KIAA1549: variants seen among roughly 807,000 people sequenced by gnomAD.
KIAA1549 encodes the protein UPF0606 protein KIAA1549.
In KIAA1549, 70 loss-of-function variants were observed where a neutral mutation model predicts 156.4. The observed-to-expected ratio is 0.45, with a 90% CI of 0.37 to 0.55. The LOEUF is 0.55. Ranked by LOEUF, KIAA1549 falls within the 20% of genes least tolerant of loss-of-function variation. The pLI, the probability that KIAA1549 is intolerant of heterozygous loss-of-function variation, is 0.00. For missense variants in KIAA1549, 2,428 were observed against 2,540.9 expected, an observed-to-expected ratio of 0.96 and a Z score of 0.96; for synonymous variants, 1,103 against 1,066.4, an observed-to-expected ratio of 1.03 and a Z score of -0.67.
intron 15 of KIAA1549, among the ~76,000 whole-genome samples, chr7:138,867,015 C>T (rs985551254): frequency 3.3e-5 from 5 of 152,036 alleles, no homozygotes; most frequent in African/African-American, 1.2e-4. Context: ...ATTGCCCAGG[C>T]TGGTCTCCAA....
At chr7:138,883,797 C>G (rs1811315539) in intron 10 of KIAA1549, among the ~76,000 whole-genome samples, 1 of 152,232 alleles carries the variant, frequency 6.6e-6, no homozygotes, top group Non-Finnish European at 1.5e-5. Flanking sequence ...CCGAAGCCTT[C>G]CCTCCTGCCC....
At chr7:138,912,532 C>T in intron 2 of KIAA1549, 72 bp from the exon 3 acceptor site, 2 of 1,275,412 alleles carry the variant, frequency 1.6e-6, no homozygotes, top group Non-Finnish European at 2.3e-6. Context: ...GACTTCTGGA[C>T]CCCAGCACTG....
At chr7:138,868,949 T>G (rs1160027838) in intron 14 of KIAA1549, among the ~76,000 whole-genome samples, 1 of 152,004 alleles carries the variant, frequency 6.6e-6, no homozygotes, top group African/African-American at 2.4e-5. Context: ...TGGCAGGCAA[T>G]AAGAGCCACC....
intron 10 of KIAA1549, among the ~76,000 whole-genome samples, chr7:138,892,674 T>G (rs1308122227): frequency 6.6e-6 from 1 of 152,250 alleles, no homozygotes; most frequent in Non-Finnish European, 1.5e-5. Context: ...ATAAATACTT[T>G]GCATTTTTTT....
Position 138,882,364 on chromosome 7 carries a change from A to G in KIAA1549, c.4033-780T>C, listed in dbSNP as rs6974263. 2.0e-5 allele frequency among the ~76,000 whole-genome samples: 3 copies of G among 152,204 alleles called. No individual in the cohort carries two copies. The East Asian group carries it at 5.8e-4, about 29-fold the overall frequency. On this transcript the variant is annotated intron_variant, in intron 10 of 19. Coordinates refer to ENST00000422774, the MANE Select transcript of KIAA1549 (RefSeq NM_001164665.2). ...TTGAGGACGTGAATTTCACGTGAAG[A>G]GTGAAAGTGACGTTAAGGGAAAGAG...
At chr7:138,898,407 A>T (rs995596726) in intron 9 of KIAA1549, among the ~76,000 whole-genome samples, 2 of 152,094 alleles carry the variant, frequency 1.3e-5, no homozygotes, top group African/African-American at 4.8e-5. Context: ...CAACAATAAT[A>T]AAGAAACTTC....
chr7:138,832,669 G>T lies in KIAA1549; in HGVS notation c.*5237C>A, dbSNP rs1277929753. ...TTACTGGCTCCTAACTTTGTTTCATGTTTCCAAAGGCATTTAATATTCTTT... is the reference window on the plus strand; with the variant it reads ...TTACTGGCTCCTAACTTTGTTTCATTTTTCCAAAGGCATTTAATATTCTTT... On this transcript the variant is annotated 3_prime_UTR_variant, in exon 20 of 20. Transcript: ENST00000422774. 1.9e-5 allele frequency: 4 copies of T among 215,428 alleles called. No homozygotes were observed. Among genetic ancestry groups the T allele is most frequent in the African/African-American group, 9.0e-5 (4 of 44,304 alleles). 13.3% of individuals were successfully genotyped at this position (215,428 alleles called of 1,614,324 possible).
chr7:138,949,228 C>CA (rs1368304504), intron 1 of KIAA1549, among the ~76,000 whole-genome samples: 4 of 152,238 alleles, frequency 2.6e-5, no homozygotes, highest in Non-Finnish European at 5.9e-5. Flanking sequence ...ATTCACTTAA[C>CA]AAAGCAGTCA....
chr7:138,852,324 G>C, intron 16 of KIAA1549, 55 bp from the exon 17 acceptor site: 2 of 1,190,286 alleles, frequency 1.7e-6, no homozygotes, highest in South Asian at 2.9e-5. Flanking sequence ...ATTATAAAGT[G>C]ACAACAGCAA....
chr7:138,894,961 G>T (rs952310801), intron 9 of KIAA1549, among the ~76,000 whole-genome samples: 3 of 152,132 alleles, frequency 2.0e-5, no homozygotes, highest in African/African-American at 7.2e-5. Flanking sequence ...GCTCCATCAA[G>T]TACCGCAGGA....
At position 138,916,881 on chromosome 7, in the gene KIAA1549, A is replaced by T. The variant is rs750759081; in HGVS notation, c.2745T>A (p.Ala915=). The T allele has an allele frequency of 2.5e-6, 4 of 1,613,738 alleles. No individual in the cohort carries two copies. The South Asian group carries it at 4.4e-5, about 18-fold the overall frequency. ...ASQSPPESSA[A]PPLPSLRPVT... ...CGGGACGCAGGGATGGCAGGGGAGG[A>T]GCAGCACTACTCTCTGGGGGGCTCT... The change falls in exon 2 of 20, where the codon GCT becomes GCA. Residue 915 remains alanine (A), a synonymous_variant. Coordinates refer to ENST00000422774, the MANE Select transcript of KIAA1549 (RefSeq NM_001164665.2).
intron 12 of KIAA1549, among the ~76,000 whole-genome samples, chr7:138,877,839 T>TCTGA (rs1443882686): frequency 6.6e-6 from 1 of 152,204 alleles, no homozygotes; most frequent in Non-Finnish European, 1.5e-5. Flanking sequence ...CTACCTGGAT[T>TCTGA]CTGAGCCTAT....
At chr7:138,953,158 C>A (rs1813548913) in intron 1 of KIAA1549, among the ~76,000 whole-genome samples, 1 of 152,166 alleles carries the variant, frequency 6.6e-6, no homozygotes, top group South Asian at 2.1e-4. Context: ...AAGTTCGAGA[C>A]CAGCCTGGCC....
intron 10 of KIAA1549, among the ~76,000 whole-genome samples, chr7:138,893,410 T>C (rs564829210): frequency 7.7e-4 from 117 of 152,144 alleles, no homozygotes; most frequent in Non-Finnish European, 1.1e-3. Context: ...CGAGAGAACT[T>C]TGCATTCAGG....
chr7:138,863,164 T>C (rs1195331792), intron 15 of KIAA1549, among the ~76,000 whole-genome samples: 2 of 151,738 alleles, frequency 1.3e-5, no homozygotes, highest in Non-Finnish European at 2.9e-5. Context: ...AACAGCATGG[T>C]GACTGCAGCA....
intron 7 of KIAA1549, among the ~76,000 whole-genome samples, chr7:138,904,535 G>T (rs6467818): frequency 1.3e-5 from 2 of 148,598 alleles, no homozygotes; most frequent in South Asian, 4.4e-4. Context: ...GAGTACGTAA[G>T]TACTGTTCAG....
intron 2 of KIAA1549, among the ~76,000 whole-genome samples, chr7:138,916,065 G>A (rs1812312220): frequency 6.6e-6 from 1 of 152,348 alleles, no homozygotes; most frequent in South Asian, 2.1e-4. Context: ...AGGATATTTA[G>A]TCACTACTTT....
At position 138,868,115 on chromosome 7, in the gene KIAA1549, G is replaced by A. The variant is rs764261154; in HGVS notation, c.4789C>T (p.Arg1597Cys). The A allele has an allele frequency of 1.2e-6, 2 of 1,613,244 alleles. No homozygotes were observed. Among genetic ancestry groups the A allele is most frequent in the Admixed American group, 1.7e-5 (1 of 59,918 alleles). ...TGTTTCCGGCGAGGCTTGGGAGAACGTTTTATCCGTGAGCTGCCAGGAAAA... is the reference window on the plus strand; with the variant it reads ...TGTTTCCGGCGAGGCTTGGGAGAACATTTTATCCGTGAGCTGCCAGGAAAA... Reference protein sequence around the residue: ...IEPRKSSRIKRSPKPRRKHQV... With the variant: ...IEPRKSSRIKCSPKPRRKHQV... The change falls in exon 15 of 20, where the codon CGT becomes TGT. Residue 1597 changes from arginine to cysteine, a missense_variant. By Grantham distance (180) the Arg-to-Cys change is radical. Around this residue, in one of 5 missense-constraint regions of KIAA1549, gnomAD observed 404 missense variants for 417.0 expected, o/e 0.97. Coordinates refer to ENST00000422774, the MANE Select transcript of KIAA1549 (RefSeq NM_001164665.2).
intron 1 of KIAA1549, among the ~76,000 whole-genome samples, chr7:138,975,275 G>C (rs1215182198): frequency 6.6e-6 from 1 of 152,206 alleles, no homozygotes; most frequent in Non-Finnish European, 1.5e-5. Flanking sequence ...GCAAAGTATG[G>C]GTCTTGAGTG....
Sources: gnomAD v4.1 joint callset for allele counts (sites outside exome capture counted in the v4.1 genomes callset) on GRCh38, gnomAD v4.1.1 for gene constraint, gnomAD v4.1.1 regional missense constraint, MANE v1.5 for transcripts, NCBI Gene and HGNC (gene_info 2026-07-23, HGNC 2026-07-21) for gene names.